Variants in GRM1 observed in about 807,000 individuals in gnomAD.
The protein encoded by GRM1 is metabotropic glutamate receptor 1.
In GRM1, 33 loss-of-function variants were observed where a neutral mutation model predicts 90.9. That is an observed-to-expected ratio of 0.36 (90% CI 0.28 to 0.49). The LOEUF is 0.49. GRM1 is among the 20% of genes least tolerant of loss of function. The pLI, the probability that GRM1 is intolerant of heterozygous loss-of-function variation, is 0.99. For missense variants in GRM1, 1,190 were observed against 1,534.3 expected, an observed-to-expected ratio of 0.78 and a Z score of 3.75; for synonymous variants, 700 against 613.2, an observed-to-expected ratio of 1.14 and a Z score of -2.09.
Position 146,343,956 on chromosome 6 carries a change from T to C in GRM1, c.1187-8294T>C, listed in dbSNP as rs146388069. ...GGGCATTGGGTGTGCTTACTGCTAT[T>C]GGAGTGTTGTTGATTCGGTGAAAAG... is the stretch of plus-strand genomic sequence containing the variant. On this transcript the variant is annotated intron_variant, in intron 3 of 7. Coordinates refer to ENST00000282753, the MANE Select transcript of GRM1 (RefSeq NM_001278064.2). Among the ~76,000 whole-genome samples the C allele has an allele frequency of 5.8e-3, 879 of 152,284 alleles. 7 individuals are homozygous for C. The highest frequency in any genetic ancestry group is 0.02 in the African/African-American group (846 of 41,548).
At chr6:146,192,056 C>T (rs1191652524) in intron 2 of GRM1, among the ~76,000 whole-genome samples, 3 of 152,168 alleles carry the variant, frequency 2.0e-5, no homozygotes, top group Admixed American at 6.5e-5. Context: ...TACTAACCTC[C>T]TCACAATTTA....
intron 1 of GRM1, among the ~76,000 whole-genome samples, chr6:146,138,623 G>A (rs1776716915): frequency 6.6e-6 from 1 of 151,876 alleles, no homozygotes; most frequent in Non-Finnish European, 1.5e-5. Context: ...ATGTGTCTAG[G>A]AATTTATTTA....
intron 2 of GRM1, among the ~76,000 whole-genome samples, chr6:146,265,882 A>G (rs913832644): frequency 8.5e-5 from 13 of 152,096 alleles, no homozygotes; most frequent in Admixed American, 7.2e-4. Flanking sequence ...TATTTTTGTT[A>G]ACTATTTAAA....
intron 2 of GRM1, among the ~76,000 whole-genome samples, chr6:146,267,397 TATACTC>T (rs1487802063): frequency 1.3e-5 from 2 of 152,180 alleles, no homozygotes; most frequent in African/African-American, 4.8e-5. Context: ...CTTTGAGTAA[TATACTC>T]ATGTATTAGT....
chr6:146,272,104 A>G lies in GRM1; in HGVS notation c.951-32507A>G, dbSNP rs138736415. On this transcript the variant is annotated intron_variant, in intron 2 of 7. Transcript: ENST00000282753. ...TGCCTTCCCTTATGGATACACATAAATACCTCCCTTATGGATATAGATACA... is the reference window on the plus strand; with the variant it reads ...TGCCTTCCCTTATGGATACACATAAGTACCTCCCTTATGGATATAGATACA... Among the ~76,000 whole-genome samples, 229 of 152,286 alleles carry G rather than the reference A, an allele frequency of 1.5e-3. 1 individual carries two copies. The highest frequency in any genetic ancestry group is 6.8e-3 in the Middle Eastern group (2 of 294).
intron 1 of GRM1, among the ~76,000 whole-genome samples, chr6:146,120,932 C>A (rs1775961882): frequency 6.6e-6 from 1 of 152,178 alleles, no homozygotes; most frequent in South Asian, 2.1e-4. Context: ...GCTTTGGTAT[C>A]AGTATGATAC....
intron 1 of GRM1, among the ~76,000 whole-genome samples, chr6:146,101,836 TATA>T (rs1453752495): frequency 1.3e-5 from 2 of 148,666 alleles, no homozygotes; most frequent in African/African-American, 4.9e-5. Context: ...TACTGTAATA[TATA>T]ATTACTATAA....
intron 1 of GRM1, among the ~76,000 whole-genome samples, chr6:146,130,026 G>A (rs1423284204): frequency 2.0e-5 from 3 of 151,730 alleles, no homozygotes; most frequent in Non-Finnish European, 4.4e-5. Flanking sequence ...GCAATTGTAG[G>A]AAAAAAATGC....
intron 2 of GRM1, among the ~76,000 whole-genome samples, chr6:146,281,481 A>G (rs960465438): frequency 3.9e-5 from 6 of 152,240 alleles, no homozygotes; most frequent in Non-Finnish European, 8.8e-5. Flanking sequence ...AATTGTAATT[A>G]AAAATGGCCT....
intron 2 of GRM1, among the ~76,000 whole-genome samples, chr6:146,288,797 C>T (rs956135744): frequency 2.6e-5 from 4 of 152,026 alleles, no homozygotes; most frequent in African/African-American, 9.7e-5. Flanking sequence ...TGAGCCATCG[C>T]GCGGGGCCAG....
chr6:146,028,664 G>A (rs1027863659), upstream of GRM1, among the ~76,000 whole-genome samples: 2 of 152,040 alleles, frequency 1.3e-5, no homozygotes, highest in African/African-American at 4.8e-5. Context: ...TAACTAATGT[G>A]GATTTTCTTC....
chr6:146,414,753 A>G (rs992021368), intron 7 of GRM1, among the ~76,000 whole-genome samples: 1 of 152,170 alleles, frequency 6.6e-6, no homozygotes, highest in Non-Finnish European at 1.5e-5. Context: ...TGTCAGATTT[A>G]TTTATTGCAA....
intron 2 of GRM1, among the ~76,000 whole-genome samples, chr6:146,177,649 C>T (rs1353441672): frequency 1.3e-5 from 2 of 152,054 alleles, no homozygotes; most frequent in Non-Finnish European, 2.9e-5. Context: ...TAAATGGCAT[C>T]TCTGCCTTCA....
intron 3 of GRM1, among the ~76,000 whole-genome samples, chr6:146,343,494 A>G (rs1015916178): frequency 2.0e-5 from 3 of 152,004 alleles, no homozygotes; most frequent in African/African-American, 7.2e-5. Flanking sequence ...TCATTTATTT[A>G]TATCAGCATG....
intron 2 of GRM1, among the ~76,000 whole-genome samples, chr6:146,183,196 C>T (rs1250024610): frequency 6.6e-6 from 1 of 152,072 alleles, no homozygotes; most frequent in Non-Finnish European, 1.5e-5. Flanking sequence ...CAAGTGGAGA[C>T]CTCCTTCCTT....
Position 146,122,839 on chromosome 6 carries a change from CTTTTTTT to C in GRM1, c.701-36490_701-36484del, listed in dbSNP as rs57859188. Among the ~76,000 whole-genome samples, 44 of 62,224 alleles carry C rather than the reference CTTTTTTT, an allele frequency of 7.1e-4. No individual in the cohort carries two copies. The East Asian group carries it at 9.7e-3, about 14-fold the overall frequency. The allele number at this position is 62,224 out of a possible 152,430, so 40.8% of individuals were successfully genotyped here. A position where few individuals can be genotyped will look rare whatever the true frequency, so the allele number is the denominator to read the frequency against. Reference sequence around the variant, plus strand: ...TCTTTTTCTTTCTTTTCTTTTCTTTCTTTTTTTTTTTTTTTTTTTTTTTTTAACTGAG... The same window carrying C: ...TCTTTTTCTTTCTTTTCTTTTCTTTCTTTTTTTTTTTTTTTTTTAACTGAG... On this transcript the variant is annotated intron_variant, in intron 1 of 7. Transcript: ENST00000282753.
At chr6:146,263,545 G>A (rs924200163) in intron 2 of GRM1, among the ~76,000 whole-genome samples, 11 of 151,844 alleles carry the variant, frequency 7.2e-5, no homozygotes, top group African/African-American at 2.4e-4. Flanking sequence ...TAAACAATGC[G>A]CTGATAAATA....
At chr6:146,115,670 G>A (rs1775716493) in intron 1 of GRM1, among the ~76,000 whole-genome samples, 1 of 152,004 alleles carries the variant, frequency 6.6e-6, no homozygotes, top group South Asian at 2.1e-4. Flanking sequence ...TTTATTTCTA[G>A]GAGTTACAAA....
At chr6:146,263,038 A>G (rs1011377356) in intron 2 of GRM1, among the ~76,000 whole-genome samples, 5 of 151,946 alleles carry the variant, frequency 3.3e-5, no homozygotes, top group African/African-American at 1.2e-4. Context: ...TGTAAATAAC[A>G]CTATCAAACT....
Sources: allele counts gnomAD v4.1 joint callset (sites outside exome capture counted in the v4.1 genomes callset), GRCh38; gene constraint gnomAD v4.1.1; transcripts MANE v1.5; gene names NCBI Gene and HGNC (gene_info 2026-07-23, HGNC 2026-07-21).